MSH3: variants seen among roughly 807,000 people sequenced by gnomAD.
MSH3 encodes the protein mutS homolog 3.
Under a neutral mutation model 123.3 loss-of-function variants are expected in MSH3, and 106 were observed. The observed-to-expected ratio is 0.86, with a 90% CI of 0.73 to 1.01. The LOEUF (loss-of-function observed/expected upper bound fraction) is 1.01, where lower values mean the gene tolerates loss of function less well. Ranked by LOEUF, MSH3 falls within the 50% of genes least tolerant of loss-of-function variation. The pLI is 0.00. For missense variants in MSH3, 1,459 were observed against 1,347.6 expected, an observed-to-expected ratio of 1.08 and a Z score of -1.29; for synonymous variants, 515 against 481.4, an observed-to-expected ratio of 1.07 and a Z score of -0.91.
In MSH3 at chr5:80,679,407, A is replaced by T. The variant is rs933727709; in HGVS notation, c.1340+314A>T. Among the ~76,000 whole-genome samples, 3 of 152,158 alleles carry T rather than the reference A, an allele frequency of 2.0e-5. No homozygotes were observed. In the East Asian group the frequency reaches 5.8e-4, roughly 29 times the overall value. On this transcript the variant is annotated intron_variant, in intron 8 of 23. Transcript: ENST00000265081. ...AGAAACACCACCTACCCCTACTATC[A>T]CCTTAATGTAGAACTTTAGAAGGCA...
intron 10 of MSH3, among the ~76,000 whole-genome samples, chr5:80,729,456 GTGTGTA>G (rs757319386): frequency 0.2 from 25,782 of 126,424 alleles, 3,432 homozygotes; most frequent in Middle Eastern, 0.26. Context: ...GTGTGTGTGT[GTGTGTA>G]TATATATATA....
intron 8 of MSH3, among the ~76,000 whole-genome samples, chr5:80,698,815 G>T (rs1011214430): frequency 2.7e-5 from 4 of 148,168 alleles, no homozygotes; most frequent in African/African-American, 9.9e-5. Flanking sequence ...GGGGTGGTGG[G>T]GGGGACGGAT....
chr5:80,720,258 G>A (rs921062756), intron 8 of MSH3, among the ~76,000 whole-genome samples: 1 of 152,064 alleles, frequency 6.6e-6, no homozygotes, highest in Non-Finnish European at 1.5e-5. Flanking sequence ...ATTATGGGTT[G>A]ATTTCCCCAG....
chr5:80,686,178 A>G (rs1714084398), intron 8 of MSH3, among the ~76,000 whole-genome samples: 1 of 152,186 alleles, frequency 6.6e-6, no homozygotes, highest in African/African-American at 2.4e-5. Flanking sequence ...AATGTTCTCT[A>G]AATATCTATT....
At chr5:80,730,333 T>G (rs536709430) in intron 10 of MSH3, among the ~76,000 whole-genome samples, 4 of 152,172 alleles carry the variant, frequency 2.6e-5, no homozygotes. Context: ...CTGTACTGCT[T>G]AAGAATATAT....
At chr5:80,875,701 T>A in intron 23 of MSH3, 50 bp from the exon 24 acceptor site, 1 of 1,077,060 alleles carries the variant, frequency 9.3e-7, no homozygotes, top group Non-Finnish European at 1.4e-6. Context: ...AGACGTATTG[T>A]CTCCCAGCAA....
intron 12 of MSH3, among the ~76,000 whole-genome samples, chr5:80,759,257 T>C (rs370864028): frequency 4.6e-5 from 7 of 152,314 alleles, no homozygotes; most frequent in African/African-American, 1.7e-4. Flanking sequence ...CAATTATGAT[T>C]ACCATTATGA....
At chr5:80,857,686 T>C (rs1047415511) in intron 21 of MSH3, among the ~76,000 whole-genome samples, 1 of 152,236 alleles carries the variant, frequency 6.6e-6, no homozygotes, top group Non-Finnish European at 1.5e-5. Flanking sequence ...ATAGAGTTGG[T>C]CATAGTATTC....
At chr5:80,858,029 T>C (rs1416214992) in intron 21 of MSH3, among the ~76,000 whole-genome samples, 3 of 152,102 alleles carry the variant, frequency 2.0e-5, no homozygotes, top group Non-Finnish European at 4.4e-5. Flanking sequence ...TTTTCTTTTT[T>C]TATTCTTTCT....
At chr5:80,749,057 C>G (rs1743778118) in intron 12 of MSH3, among the ~76,000 whole-genome samples, 1 of 151,910 alleles carries the variant, frequency 6.6e-6, no homozygotes, top group African/African-American at 2.4e-5. Context: ...AAAGTTTTAT[C>G]TTTAATTGAC....
chr5:80,657,579 G>T (rs1241704816), intron 2 of MSH3, among the ~76,000 whole-genome samples: 1 of 151,920 alleles, frequency 6.6e-6, no homozygotes, highest in African/African-American at 2.4e-5. Context: ...TGGTACCAGA[G>T]AATTTGTGAT....
chr5:80,819,609 C>T (rs1303757157), intron 20 of MSH3, among the ~76,000 whole-genome samples: 1 of 151,714 alleles, frequency 6.6e-6, no homozygotes. Flanking sequence ...GCCTCAGCCT[C>T]CTGAGTAGCT....
chr5:80,773,724 T>C (rs73125407), intron 15 of MSH3, among the ~76,000 whole-genome samples: 34 of 152,290 alleles, frequency 2.2e-4, no homozygotes, highest in African/African-American at 8.2e-4. Flanking sequence ...AAATGGGTTT[T>C]TATAAATTTA....
chr5:80,735,498 G>A (rs1275146405), intron 10 of MSH3, among the ~76,000 whole-genome samples: 2 of 151,682 alleles, frequency 1.3e-5, no homozygotes, highest in Non-Finnish European at 2.9e-5. Context: ...ACCAGCCTGG[G>A]TAACACGATG....
intron 7 of MSH3, among the ~76,000 whole-genome samples, chr5:80,676,767 T>C (rs1288485240): frequency 1.3e-5 from 2 of 152,208 alleles, no homozygotes; most frequent in African/African-American, 4.8e-5. Flanking sequence ...AGTAAAGTTA[T>C]TTACTTTTAA....
intron 13 of MSH3, among the ~76,000 whole-genome samples, chr5:80,764,970 T>G (rs886919545): frequency 1.3e-5 from 2 of 152,116 alleles, no homozygotes; most frequent in African/African-American, 2.4e-5. Context: ...GCCACCATAC[T>G]TGTGGGTCTG....
intron 22 of MSH3, among the ~76,000 whole-genome samples, chr5:80,869,045 T>A (rs969778972): frequency 6.6e-6 from 1 of 152,176 alleles, no homozygotes; most frequent in African/African-American, 2.4e-5. Context: ...CTATTTCCTA[T>A]GATGTGATAG....
At chr5:80,827,949 G>T (rs376598555) in intron 20 of MSH3, among the ~76,000 whole-genome samples, 1 of 151,966 alleles carries the variant, frequency 6.6e-6, no homozygotes, top group Non-Finnish European at 1.5e-5. Context: ...CTGAGAGGAA[G>T]GTATAGAGAG....
chr5:80,732,038 C>T (rs1196312076), intron 10 of MSH3, among the ~76,000 whole-genome samples: 1 of 152,060 alleles, frequency 6.6e-6, no homozygotes, highest in Non-Finnish European at 1.5e-5. Context: ...AGAAAATATA[C>T]CATTTCAGAA....
Sources: gnomAD v4.1 joint callset for allele counts (sites outside exome capture counted in the v4.1 genomes callset) on GRCh38, gnomAD v4.1.1 for gene constraint, MANE v1.5 for transcripts, NCBI Gene and HGNC (gene_info 2026-07-23, HGNC 2026-07-21) for gene names.